Variants in MYO1B observed in about 807,000 individuals in gnomAD.
MYO1B encodes the protein myosin IB.
A neutral mutation model predicts 159.7 loss-of-function variants in MYO1B; 72 were observed. That is an observed-to-expected ratio of 0.45 (90% CI 0.37 to 0.55). The LOEUF (loss-of-function observed/expected upper bound fraction) is 0.55, where lower values mean the gene tolerates loss of function less well. Ranked by LOEUF, MYO1B falls within the 20% of genes least tolerant of loss-of-function variation. MYO1B has a pLI of 0.00. For missense variants in MYO1B, 1,062 were observed against 1,364.8 expected (o/e 0.78, Z 3.50); for synonymous variants, 468 against 473.8 (o/e 0.99, Z 0.16).
rs376387333 is a variant in MYO1B, at chr2:191,336,057, G to C, written c.347-5404G>C. Reference sequence around the variant, plus strand: ...TGTGGAGAACCTTTCAAGCACTGATGGGGGCAGGGGGGCAGAATATGAGGG... The same window carrying C: ...TGTGGAGAACCTTTCAAGCACTGATCGGGGCAGGGGGGCAGAATATGAGGG... On this transcript the variant is annotated intron_variant, in intron 4 of 30. Transcript: ENST00000392318. Among the ~76,000 whole-genome samples, 4 of 152,270 alleles carry C rather than the reference G, an allele frequency of 2.6e-5. No homozygotes were observed. The South Asian group carries it at 8.3e-4, about 32-fold the overall frequency.
intron 30 of MYO1B, chr2:191,416,481 T>C (rs1697572727): frequency 2.0e-6 from 1 of 497,678 alleles, no homozygotes; most frequent in Admixed American, 3.6e-5. Flanking sequence ...TTGATAAGAT[T>C]TTGGCTAACA....
At chr2:191,333,370 AAC>A (rs955443943) in intron 4 of MYO1B, among the ~76,000 whole-genome samples, 12 of 152,284 alleles carry the variant, frequency 7.9e-5, no homozygotes, top group Non-Finnish European at 1.3e-4. Flanking sequence ...ACCCTCTTAT[AAC>A]CAATCTTTCT....
intron 11 of MYO1B, 44 bp downstream of exon 11, chr2:191,364,320 G>C: frequency 1.4e-6 from 2 of 1,476,036 alleles, no homozygotes. Flanking sequence ...TTAAAAGTCT[G>C]TGCTAATTTT....
At chr2:191,274,306 G>A (rs1687626163) in intron 1 of MYO1B, among the ~76,000 whole-genome samples, 1 of 152,178 alleles carries the variant, frequency 6.6e-6, no homozygotes, top group Non-Finnish European at 1.5e-5. Context: ...CTTTGGATTA[G>A]AAAGTTGGGA....
intron 30 of MYO1B, among the ~76,000 whole-genome samples, chr2:191,417,071 G>A (rs1697622932): frequency 6.6e-6 from 1 of 152,140 alleles, no homozygotes. Flanking sequence ...TTCTTTGCAT[G>A]TCTAGATTGC....
intron 2 of MYO1B, among the ~76,000 whole-genome samples, chr2:191,291,481 C>G (rs1688682768): frequency 6.6e-6 from 1 of 152,120 alleles, no homozygotes; most frequent in Admixed American, 6.5e-5. Context: ...TGCTTCTCTT[C>G]CCTCCCACAT....
intron 1 of MYO1B, among the ~76,000 whole-genome samples, chr2:191,252,839 A>G (rs1686205550): frequency 6.6e-6 from 1 of 152,130 alleles, no homozygotes. Context: ...TAGCCTTTTC[A>G]TCACCATCTT....
chr2:191,247,827 C>A (rs948491867), intron 1 of MYO1B: 1 of 599,652 alleles, frequency 1.7e-6, no homozygotes, highest in Non-Finnish European at 2.1e-6. Flanking sequence ...TGGTCTCTGG[C>A]CTCTGGCCGT....
chr2:191,392,137 T>C lies in MYO1B; in HGVS notation c.2012T>C (p.Leu671Ser), dbSNP rs1274647271. 2 of 1,610,048 alleles carry C rather than the reference T, an allele frequency of 1.2e-6. No individual in the cohort carries two copies. Among genetic ancestry groups the C allele is most frequent in the Admixed American group, 1.7e-5 (1 of 59,994 alleles). ...RSGVEVLFNE[L>S]EIPVEEYSFG... ...GGTGTGGAGGTCCTATTTAATGAAT[T>C]AGAAATTCCCGTGGAAGAATACTCC... The change falls in exon 19 of 31, where the codon TTA becomes TCA. Residue 671 changes from leucine to serine, a missense_variant. Around this residue, in one of 5 missense-constraint regions of MYO1B, gnomAD observed 609 missense variants for 744.4 expected, o/e 0.82. Coordinates refer to ENST00000392318, the MANE Select transcript of MYO1B (RefSeq NM_001130158.3).
At chr2:191,298,243 C>A (rs1689101282) in intron 3 of MYO1B, among the ~76,000 whole-genome samples, 1 of 152,192 alleles carries the variant, frequency 6.6e-6, no homozygotes. Flanking sequence ...TTTTACCAGT[C>A]AAGCAAATTC....
intron 17 of MYO1B, among the ~76,000 whole-genome samples, chr2:191,388,787 T>A (rs1695559149): frequency 1.3e-5 from 2 of 151,520 alleles, no homozygotes; most frequent in African/African-American, 4.8e-5. Context: ...AACAGTTCAA[T>A]TTTTTTTTAA....
rs757479782 is a variant in MYO1B, at chr2:191,360,748, GTGGTGT to G, written c.661+22_661+27del. On this transcript the variant is annotated intron_variant, in intron 8 of 30. Coordinates refer to ENST00000392318, the MANE Select transcript of MYO1B (RefSeq NM_001130158.3). Reference sequence around the variant, plus strand: ...CTCCTCAGTAAGTCTCTGTTTCTATGTGGTGTTGTTGTTGTTGTTGTTGTTGTTGTT... The same window carrying G: ...CTCCTCAGTAAGTCTCTGTTTCTATGTGTTGTTGTTGTTGTTGTTGTTGTT... 3.3e-5 allele frequency: 37 copies of G among 1,122,302 alleles called. No homozygotes were observed. In the African/African-American group the frequency reaches 7.1e-4, roughly 22 times the overall value. The allele number at this position is 1,122,302 out of a possible 1,614,324, so 69.5% of individuals were successfully genotyped here.
chr2:191,372,788 T>G (rs1321341750), intron 13 of MYO1B, among the ~76,000 whole-genome samples: 1 of 152,050 alleles, frequency 6.6e-6, no homozygotes, highest in Non-Finnish European at 1.5e-5. Context: ...TCTTGCTGAA[T>G]GTGCCCTCCT....
intron 30 of MYO1B, among the ~76,000 whole-genome samples, chr2:191,418,047 A>G (rs550545593): frequency 1.3e-5 from 2 of 152,196 alleles, no homozygotes; most frequent in Non-Finnish European, 2.9e-5. Context: ...TGAAGAAAAC[A>G]AACATTGGGT....
At chr2:191,398,332 G>C (rs1265183188) in intron 21 of MYO1B, among the ~76,000 whole-genome samples, 1 of 122,334 alleles carries the variant, frequency 8.2e-6, no homozygotes, top group African/African-American at 2.9e-5. Flanking sequence ...GCGGCTGGCC[G>C]GGCAGGGGGG....
At chr2:191,324,072 AT>A (rs1159618990) in intron 3 of MYO1B, among the ~76,000 whole-genome samples, 5 of 152,138 alleles carry the variant, frequency 3.3e-5, no homozygotes, top group Non-Finnish European at 4.4e-5. Flanking sequence ...CTTAAAAAAA[AT>A]AAGTTGTTGT....
intron 30 of MYO1B, among the ~76,000 whole-genome samples, chr2:191,422,791 A>G (rs1218857253): frequency 6.6e-6 from 1 of 151,712 alleles, no homozygotes; most frequent in Admixed American, 6.6e-5. Context: ...TCTTTACCTC[A>G]TTTTCTCAAT....
Position 191,414,598 on chromosome 2 carries a change from C to T in MYO1B, c.3088C>T (p.Pro1030Ser). The change falls in exon 29 of 31, where the codon CCA (proline) becomes TCA (serine). Residue 1030 changes from proline to serine, a missense_variant. Coordinates refer to ENST00000392318, the MANE Select transcript of MYO1B (RefSeq NM_001130158.3). ...GTCTGGACAAATCAAGTCAGAGGTT[C>T]CATTGGTGGATGTGACCAAGGTATC... ...QKSGQIKSEV[P>S]LVDVTKVSMS... 1 of 1,613,658 alleles carries T rather than the reference C, an allele frequency of 6.2e-7. No homozygotes were observed. The highest frequency in any genetic ancestry group is 8.5e-7 in the Non-Finnish European group (1 of 1,179,784).
At chr2:191,252,155 T>G (rs1245067809) in intron 1 of MYO1B, among the ~76,000 whole-genome samples, 2 of 152,256 alleles carry the variant, frequency 1.3e-5, no homozygotes, top group East Asian at 3.8e-4. Flanking sequence ...CTTGTTATTT[T>G]TGTGATCCTC....
Sources: gnomAD v4.1 joint callset for allele counts (sites outside exome capture counted in the v4.1 genomes callset) on GRCh38, gnomAD v4.1.1 for gene constraint, gnomAD v4.1.1 regional missense constraint, MANE v1.5 for transcripts, NCBI Gene and HGNC (gene_info 2026-07-23, HGNC 2026-07-21) for gene names.